MAML2: variants seen among roughly 807,000 people sequenced by gnomAD.
The protein encoded by MAML2 is mastermind like transcriptional coactivator 2, also known as mastermind-like protein 2.
MAML2 carries 22 observed loss-of-function variants against 96.1 expected under a neutral mutation model. The ratio of observed to expected loss-of-function variants is 0.23; its 90% CI spans 0.16 to 0.33. MAML2 has a LOEUF of 0.33. Among genes scored for constraint, MAML2 ranks in the 10% least tolerant of loss-of-function variants. MAML2 has a pLI of 1.00. For missense variants in MAML2, 1,367 were observed against 1,392.4 expected (o/e 0.98, Z 0.29); for synonymous variants, 561 against 521.3 (o/e 1.08, Z -1.04).
intron 1 of MAML2, among the ~76,000 whole-genome samples, chr11:96,248,533 T>C (rs11021495): frequency 0.1 from 15,912 of 152,086 alleles, 1,071 homozygotes; most frequent in African/African-American, 0.19. Context: ...GAGATGAAAC[T>C]ACCCTCTCCC....
intron 1 of MAML2, among the ~76,000 whole-genome samples, chr11:96,219,327 A>T (rs1862097705): frequency 6.6e-6 from 1 of 152,212 alleles, no homozygotes; most frequent in African/African-American, 2.4e-5. Context: ...TTCAAAAACC[A>T]GCTATAATTC....
intron 2 of MAML2, among the ~76,000 whole-genome samples, chr11:96,070,593 C>T (rs1359623225): frequency 6.6e-6 from 1 of 152,238 alleles, no homozygotes; most frequent in Non-Finnish European, 1.5e-5. Flanking sequence ...GCACCTGGAG[C>T]TGCCCACCCC....
chr11:96,029,233 A>G (rs983839052), intron 2 of MAML2, among the ~76,000 whole-genome samples: 3 of 150,798 alleles, frequency 2.0e-5, no homozygotes, highest in African/African-American at 7.3e-5. Context: ...TGGATTTTCA[A>G]TTTGTTCCAC....
At chr11:96,098,020 T>G (rs1217913950) in intron 1 of MAML2, among the ~76,000 whole-genome samples, 1 of 152,196 alleles carries the variant, frequency 6.6e-6, no homozygotes, top group Non-Finnish European at 1.5e-5. Context: ...GCCTCTACCT[T>G]GCCAAATGCT....
chr11:96,286,492 A>G (rs1326329214), intron 1 of MAML2, among the ~76,000 whole-genome samples: 1 of 152,254 alleles, frequency 6.6e-6, no homozygotes, highest in Non-Finnish European at 1.5e-5. Flanking sequence ...TTGAAGAAAA[A>G]GAAAGGAATA....
At chr11:96,304,916 A>T (rs1863443244) in intron 1 of MAML2, among the ~76,000 whole-genome samples, 2 of 152,214 alleles carry the variant, frequency 1.3e-5, no homozygotes, top group South Asian at 4.1e-4. Context: ...CCACTATTGA[A>T]AAATTCCGAA....
intron 1 of MAML2, among the ~76,000 whole-genome samples, chr11:96,121,780 ATT>A (rs543373689): frequency 7.4e-4 from 26 of 35,242 alleles, no homozygotes; most frequent in Middle Eastern, 0.029. Flanking sequence ...CAACTGCGTG[ATT>A]TTTTTTTTTT....
chr11:96,342,959 T>G lies in MAML2; in HGVS notation c.-1064A>C, dbSNP rs1246438009. ...ATGTCCAGCCACTTTTCTGTCCACTTTTGTACATTCCATCCCCGGCCAGTG... is the reference window on the plus strand; with the variant it reads ...ATGTCCAGCCACTTTTCTGTCCACTGTTGTACATTCCATCCCCGGCCAGTG... On this transcript the variant is annotated 5_prime_UTR_variant, in exon 1 of 5. Transcript: ENST00000524717. The G allele has an allele frequency of 5.2e-6, 2 of 384,264 alleles. No individual in the cohort carries two copies. The highest frequency in any genetic ancestry group is 4.1e-5 in the African/African-American group (2 of 48,394). 23.8% of individuals were successfully genotyped at this position (384,264 alleles called of 1,614,324 possible). A position where few individuals can be genotyped will look rare whatever the true frequency, so the allele number is the denominator to read the frequency against.
At chr11:96,136,004 G>A (rs534204401) in intron 1 of MAML2, among the ~76,000 whole-genome samples, 24 of 152,276 alleles carry the variant, frequency 1.6e-4, no homozygotes, top group South Asian at 6.2e-4. Context: ...ATCCCATTAA[G>A]TGAAAACCAG....
At chr11:95,985,705 T>G in intron 3 of MAML2, 63 bp from the exon 4 acceptor site, 1 of 1,015,988 alleles carries the variant, frequency 9.8e-7, no homozygotes. Context: ...TGAAAATACA[T>G]GTAAAATTTT....
At chr11:96,068,173 A>G (rs1859273332) in intron 2 of MAML2, among the ~76,000 whole-genome samples, 1 of 152,210 alleles carries the variant, frequency 6.6e-6, no homozygotes, top group South Asian at 2.1e-4. Context: ...CACTTCACTT[A>G]GGAAATGTCT....
intron 1 of MAML2, among the ~76,000 whole-genome samples, chr11:96,193,096 C>T (rs907597119): frequency 2.0e-5 from 3 of 152,156 alleles, no homozygotes; most frequent in African/African-American, 4.8e-5. Flanking sequence ...GGGCCGGGTG[C>T]GGTGGCTCAG....
In MAML2 at chr11:96,077,219, CT is replaced by C. The variant is rs371672772; in HGVS notation, c.2139+14672del. Among the ~76,000 whole-genome samples, 108 of 94,124 alleles carry C rather than the reference CT, an allele frequency of 1.1e-3. No individual in the cohort carries two copies. The East Asian group carries it at 0.014, about 12-fold the overall frequency. 61.7% of individuals were successfully genotyped at this position (94,124 alleles called of 152,430 possible). On this transcript the variant is annotated intron_variant, in intron 2 of 4. Coordinates refer to ENST00000524717, the MANE Select transcript of MAML2 (RefSeq NM_032427.4). ...GACTTTTTACCCCAACTCTCTCTCT[CT>C]TTTTTTTTTTTTTTTTTTTAAAGAC...
At chr11:96,271,549 A>G (rs912588315) in intron 1 of MAML2, among the ~76,000 whole-genome samples, 32 of 152,176 alleles carry the variant, frequency 2.1e-4, no homozygotes, top group African/African-American at 7.7e-4. Context: ...TGTTCTCATG[A>G]TAGTGAGCAA....
Position 95,980,140 on chromosome 11 carries a change from C to G in MAML2, c.2456-177G>C, listed in dbSNP as rs558054134. Among the ~76,000 whole-genome samples, 13 of 152,258 alleles carry G rather than the reference C, an allele frequency of 8.5e-5. No individual in the cohort carries two copies. The East Asian group carries it at 2.5e-3, about 29-fold the overall frequency. ...GACAGCTCTTAGGAGGAAGGAGCAC[C>G]TGAGGTCACTTTTTGGTTCAGAAGT... On this transcript the variant is annotated intron_variant, in intron 4 of 4. Transcript: ENST00000524717.
intron 2 of MAML2, among the ~76,000 whole-genome samples, chr11:96,071,892 G>A (rs1859350731): frequency 6.6e-6 from 1 of 152,160 alleles, no homozygotes; most frequent in Non-Finnish European, 1.5e-5. Context: ...TGTCTTTGTA[G>A]AAAAATCACC....
intron 1 of MAML2, among the ~76,000 whole-genome samples, chr11:96,155,945 A>C (rs993963227): frequency 6.6e-6 from 1 of 152,118 alleles, no homozygotes; most frequent in African/African-American, 2.4e-5. Flanking sequence ...GCACATAAAC[A>C]AGCTCCCAGG....
chr11:96,207,747 A>C (rs954607918), intron 1 of MAML2, among the ~76,000 whole-genome samples: 1 of 152,234 alleles, frequency 6.6e-6, no homozygotes, highest in Non-Finnish European at 1.5e-5. Context: ...AACAGATATC[A>C]CACCAACTAA....
In MAML2 at chr11:96,163,909, C is replaced by T. The variant is rs186034888; in HGVS notation, c.514-70392G>A. 1.2e-3 allele frequency among the ~76,000 whole-genome samples: 178 copies of T among 146,250 alleles called. 1 individual carries two copies. The highest frequency in any genetic ancestry group is 4.2e-3 in the African/African-American group (166 of 39,242). The stretch of plus-strand genomic sequence containing the variant: ...TGGAGTTTTGCTCTTGTTGCCCATG[C>T]GGGAGTGCAATGGTGTGATCTCGGC... On this transcript the variant is annotated intron_variant, in intron 1 of 4. Coordinates refer to ENST00000524717, the MANE Select transcript of MAML2 (RefSeq NM_032427.4).
Sources: gnomAD v4.1 joint callset for allele counts (sites outside exome capture counted in the v4.1 genomes callset) on GRCh38, gnomAD v4.1.1 for gene constraint, MANE v1.5 for transcripts, NCBI Gene and HGNC (gene_info 2026-07-23, HGNC 2026-07-21) for gene names.